ITGB3: variants seen among roughly 807,000 people sequenced by gnomAD.
ITGB3 encodes the protein integrin subunit beta 3.
In ITGB3, 48 loss-of-function variants were observed where a neutral mutation model predicts 85.8. The ratio of observed to expected loss-of-function variants is 0.56; its 90% CI spans 0.44 to 0.71. The LOEUF is 0.71. ITGB3 is among the 30% of genes least tolerant of loss of function. The probability of loss-of-function intolerance (pLI) is 0.00; values close to 1 mark genes in which losing one functional copy is unlikely to be tolerated. For synonymous variants in ITGB3, 363 were observed against 395.6 expected, an observed-to-expected ratio of 0.92 and a Z score of 0.98; for missense variants, 861 against 1,019.1, an observed-to-expected ratio of 0.84 and a Z score of 2.11.
chr17:47,269,498 C>T (rs997819249), intron 1 of ITGB3, among the ~76,000 whole-genome samples: 6 of 152,210 alleles, frequency 3.9e-5, no homozygotes, highest in African/African-American at 1.4e-4. Context: ...CTGCCAGTCT[C>T]TTTGCTAAAG....
At position 47,292,324 on chromosome 17, in the gene ITGB3, G is replaced by A; in HGVS notation, c.1446G>A (p.Glu482=). ...HRCNNGNGTF[E]CGVCRCGPGW... ...GCAACAATGGCAATGGGACCTTTGA[G>A]TGTGGGGTATGCCGTTGTGGGCCTG... The change falls in exon 10 of 15, where the codon GAG becomes GAA. Residue 482 remains glutamate (E), a synonymous_variant. Coordinates refer to ENST00000559488, the MANE Select transcript of ITGB3 (RefSeq NM_000212.3). The A allele has an allele frequency of 6.2e-7, 1 of 1,614,232 alleles. No homozygotes were observed. The highest frequency in any genetic ancestry group is 1.1e-5 in the South Asian group (1 of 91,090).
At chr17:47,296,820 G>C (rs2065147671) in intron 10 of ITGB3, among the ~76,000 whole-genome samples, 1 of 152,170 alleles carries the variant, frequency 6.6e-6, no homozygotes, top group Admixed American at 6.5e-5. Context: ...TTTACAAAGA[G>C]AATCCTGGCC....
intron 12 of ITGB3, among the ~76,000 whole-genome samples, chr17:47,301,700 G>T (rs1036202410): frequency 1.3e-5 from 2 of 151,968 alleles, no homozygotes; most frequent in African/African-American, 2.4e-5. Flanking sequence ...TATTTATAGG[G>T]AATTTTATAG....
At chr17:47,275,933 GA>G (rs1414575330) in intron 2 of ITGB3, among the ~76,000 whole-genome samples, 3 of 152,200 alleles carry the variant, frequency 2.0e-5, no homozygotes, top group Non-Finnish European at 4.4e-5. Flanking sequence ...TGCTCAGTGT[GA>G]TGTAGCCTCC....
intron 1 of ITGB3, among the ~76,000 whole-genome samples, chr17:47,265,660 C>A (rs1185009220): frequency 6.6e-6 from 1 of 152,186 alleles, no homozygotes; most frequent in Non-Finnish European, 1.5e-5. Context: ...TGGTCATGGG[C>A]ACTGGGGTAA....
chr17:47,280,608 C>T (rs149568691), intron 2 of ITGB3, among the ~76,000 whole-genome samples: 16 of 152,288 alleles, frequency 1.1e-4, no homozygotes, highest in African/African-American at 3.4e-4. Context: ...CCACCCGTGT[C>T]GGCCTCCCAC....
chr17:47,300,416 G>A, intron 11 of ITGB3, 62 bp from the exon 12 acceptor site: 1 of 1,168,908 alleles, frequency 8.6e-7, no homozygotes, highest in Non-Finnish European at 1.3e-6. Context: ...ATCAGAGCTG[G>A]ACTGGGATAC....
chr17:47,300,610 C>T, intron 12 of ITGB3, 32 bp downstream of exon 12: 2 of 1,502,356 alleles, frequency 1.3e-6, no homozygotes, highest in Middle Eastern at 1.7e-4. Context: ...GTTGCACACA[C>T]CCAGGTTCTA....
chr17:47,309,932 G>GCATTCTACCT (rs1258717433), intron 14 of ITGB3, among the ~76,000 whole-genome samples: 1 of 150,716 alleles, frequency 6.6e-6, no homozygotes, highest in Non-Finnish European at 1.5e-5. Context: ...TGGCAGGATG[G>GCATTCTACCT]CATTCTACCT....
chr17:47,255,990 AATAAATAC>A (rs1357183142), intron 1 of ITGB3, among the ~76,000 whole-genome samples: 2 of 151,956 alleles, frequency 1.3e-5, no homozygotes, highest in East Asian at 1.9e-4. Context: ...TAAATAAATA[AATAAATAC>A]ATAATTAAAA....
intron 1 of ITGB3, among the ~76,000 whole-genome samples, chr17:47,267,010 T>TC (rs1262141979): frequency 1.3e-5 from 2 of 152,170 alleles, no homozygotes; most frequent in African/African-American, 4.8e-5. Flanking sequence ...ATGTCTAGTG[T>TC]CCCCTAGAAT....
Position 47,313,214 on chromosome 17 carries a change from TCCACCTTCCTCGGCCTC to T in ITGB3, c.*3015_*3031del. Among the ~76,000 whole-genome samples the T allele has an allele frequency of 6.6e-6, 1 of 152,068 alleles. No homozygotes were observed. ...GTCTCGAACTCCTGACCTTAGGCGA[TCCACCTTCCTCGGCCTC>T]CCACAGTGCTGGGATTACAAGTGTG... On this transcript the variant is annotated 3_prime_UTR_variant, in exon 15 of 15. Transcript: ENST00000559488.
chr17:47,291,792 T>A (rs1195910738), intron 9 of ITGB3, among the ~76,000 whole-genome samples: 1 of 152,204 alleles, frequency 6.6e-6, no homozygotes, highest in Non-Finnish European at 1.5e-5. Context: ...ATCTTGCTGA[T>A]AATTATAATC....
At chr17:47,290,835 C>T (rs2143108749) in intron 8 of ITGB3, 119 bp from the exon 9 acceptor site, 1 of 1,177,782 alleles carries the variant, frequency 8.5e-7, no homozygotes, top group African/African-American at 1.5e-5. Context: ...TGGCCTCTGG[C>T]ACTGCTGGGG....
At position 47,283,368 on chromosome 17, in the gene ITGB3, C is replaced by T. The variant is rs373101628; in HGVS notation, c.180C>T (p.Gly60=). The stretch of plus-strand genomic sequence containing the variant: ...CTGTCTTACAGGCCCTGCCTCTGGG[C>T]TCACCTCGCTGTGACCTGAAGGAGA... ...AWCSDEALPL[G]SPRCDLKENL... is the part of the protein sequence containing the mutation. The change falls in exon 3 of 15, where the codon GGC becomes GGT. Residue 60 remains glycine (G), a synonymous_variant. Transcript: ENST00000559488. The T allele has an allele frequency of 1.1e-4, 174 of 1,614,122 alleles. 2 individuals carry two copies. The Middle Eastern group carries it at 2.8e-3, about 26-fold the overall frequency.
intron 14 of ITGB3, among the ~76,000 whole-genome samples, chr17:47,308,010 A>G (rs1336469318): frequency 6.6e-6 from 1 of 151,920 alleles, no homozygotes; most frequent in Non-Finnish European, 1.5e-5. Flanking sequence ...TATTAATAAT[A>G]TAAAAATTAG....
Position 47,290,283 on chromosome 17 carries a change from C to G in ITGB3, c.1125+9C>G, listed in dbSNP as rs1246870841. 1 of 1,611,324 alleles carries G rather than the reference C, an allele frequency of 6.2e-7. No individual in the cohort carries two copies. Among genetic ancestry groups the G allele is most frequent in the Non-Finnish European group, 8.5e-7 (1 of 1,177,740 alleles). On this transcript the variant is annotated intron_variant, in intron 8 of 14. Transcript: ENST00000559488. ...TTGTTGATGCTTATGGGGTAAGTGT[C>G]TTGTGCTGGGAATAGTCCCGCGGAG...
At chr17:47,291,918 T>G (rs1322841385) in intron 9 of ITGB3, among the ~76,000 whole-genome samples, 1 of 152,248 alleles carries the variant, frequency 6.6e-6, no homozygotes, top group Non-Finnish European at 1.5e-5. Flanking sequence ...ACCATGTCTC[T>G]GCATCCAGCT....
intron 1 of ITGB3, among the ~76,000 whole-genome samples, chr17:47,258,067 C>T (rs1393103341): frequency 6.6e-6 from 1 of 152,148 alleles, no homozygotes; most frequent in Non-Finnish European, 1.5e-5. Context: ...GAAGCATGCC[C>T]ACAGGAACCA....
Sources: gnomAD v4.1 joint callset for allele counts (sites outside exome capture counted in the v4.1 genomes callset) on GRCh38, gnomAD v4.1.1 for gene constraint, MANE v1.5 for transcripts, NCBI Gene and HGNC (gene_info 2026-07-23, HGNC 2026-07-21) for gene names.